Variants in TJAP1 observed in about 807,000 individuals in gnomAD.
The protein encoded by TJAP1 is tight junction associated protein 1, also known as tight junction-associated protein 1.
A neutral mutation model predicts 42.0 loss-of-function variants in TJAP1; 27 were observed. The observed-to-expected ratio is 0.64, with a 90% CI of 0.47 to 0.89. The LOEUF (loss-of-function observed/expected upper bound fraction) is 0.89. Ranked by LOEUF, TJAP1 falls within the 40% of genes least tolerant of loss-of-function variation. The probability of loss-of-function intolerance (pLI) is 0.00; values close to 1 mark genes in which losing one functional copy is unlikely to be tolerated. For missense variants in TJAP1, 712 were observed against 726.9 expected (o/e 0.98, Z 0.24); for synonymous variants, 257 against 288.4 (o/e 0.89, Z 1.10).
In TJAP1 at chr6:43,503,387, A is replaced by G. The variant is rs750570939; in HGVS notation, c.388-14A>G. On this transcript the variant is annotated splice_polypyrimidine_tract_variant and intron_variant, in intron 8 of 10. Coordinates refer to ENST00000372449, the Ensembl canonical transcript of TJAP1. ...TAGAGTGTGGGCTGGGTTAACCTCA[A>G]GTCTGTGCTTCAGATCAAGAAGGCT... 6 of 1,608,610 alleles carry G rather than the reference A, an allele frequency of 3.7e-6. No individual in the cohort carries two copies. The highest frequency in any genetic ancestry group is 5.1e-6 in the Non-Finnish European group (6 of 1,175,904).
At chr6:43,486,847 C>A (rs571948033) in intron 2 of TJAP1, among the ~76,000 whole-genome samples, 2 of 152,118 alleles carry the variant, frequency 1.3e-5, no homozygotes, top group Admixed American at 1.3e-4. Flanking sequence ...TTGTTAATGC[C>A]CAGATAAATC....
intron 2 of TJAP1, among the ~76,000 whole-genome samples, chr6:43,494,831 C>T (rs1788755208): frequency 6.6e-6 from 1 of 152,152 alleles, no homozygotes; most frequent in Non-Finnish European, 1.5e-5. Context: ...CCTTGGCCTC[C>T]CACAGTGCTG....
exon 10 of TJAP1, chr6:43,503,659 C>T: frequency 6.2e-7 from 1 of 1,614,130 alleles, no homozygotes; most frequent in Non-Finnish European, 8.5e-7. Context: ...GGCTGTACAG[C>T]TCCTCAAGTG....
chr6:43,497,825 C>G (rs1789561526), intron 2 of TJAP1, 56 bp from the exon 3 acceptor site: 1 of 152,328 alleles, frequency 6.6e-6, no homozygotes, highest in African/African-American at 2.4e-5. Flanking sequence ...GCCTGTAGCA[C>G]TGACAGACAG....
At chr6:43,481,580 A>T (rs1317846708) in intron 2 of TJAP1, among the ~76,000 whole-genome samples, 3 of 151,240 alleles carry the variant, frequency 2.0e-5, no homozygotes, top group Non-Finnish European at 4.4e-5. Flanking sequence ...GTAGCAAACT[A>T]CACAGAAAAA....
intron 2 of TJAP1, chr6:43,489,650 C>T (rs1787365084): frequency 6.6e-6 from 1 of 152,194 alleles, no homozygotes; most frequent in African/African-American, 2.4e-5. Context: ...AGGAGCTGAG[C>T]CCCTTCTCCA....
At chr6:43,506,065 T>C (rs77082223) in exon 11 of TJAP1, 9,260 of 430,642 alleles carry the variant, frequency 0.022, 131 homozygotes, top group South Asian at 0.038. Flanking sequence ...TGGTTTTCCC[T>C]TTTTCTTAGA....
intron 2 of TJAP1, among the ~76,000 whole-genome samples, chr6:43,488,038 T>A (rs2127516881): frequency 6.6e-6 from 1 of 152,176 alleles, no homozygotes; most frequent in South Asian, 2.1e-4. Context: ...CCCAGCTAAT[T>A]TTTTGTATTT....
In TJAP1 at chr6:43,505,132, A is replaced by G. The variant is rs775016960; in HGVS notation, c.951A>G (p.Pro317=). The change falls in exon 11 of 11, where the codon CCA becomes CCG. Residue 317 remains proline, a synonymous_variant. Transcript: ENST00000372449. This position sits in a 1 kb window ranked among gnomAD's most constrained non-coding sequence, Gnocchi z 5.5. ...CCTTTGAGAAGCTGAACCCCTACCCAACCCCGTCTCCACCACACCCACTGT... is the reference window on the plus strand; with the variant it reads ...CCTTTGAGAAGCTGAACCCCTACCCGACCCCGTCTCCACCACACCCACTGT... 5 of 1,614,052 alleles carry G rather than the reference A, an allele frequency of 3.1e-6. No individual in the cohort carries two copies. The highest frequency in any genetic ancestry group is 4.2e-6 in the Non-Finnish European group (5 of 1,179,986).
chr6:43,501,295 C>A (rs1790456195), intron 5 of TJAP1: 2 of 553,216 alleles, frequency 3.6e-6, no homozygotes, highest in South Asian at 5.0e-5. Context: ...GCTGGACTGT[C>A]CCCTACCATC....
At chr6:43,500,900 AG>A in intron 5 of TJAP1, 128 bp downstream of exon 5, 1 of 1,102,870 alleles carries the variant, frequency 9.1e-7, no homozygotes, top group Non-Finnish European at 1.4e-6. Flanking sequence ...GGGTTGTTTT[AG>A]GGACTCTGGG....
chr6:43,498,617 A>T (rs1169311002), intron 3 of TJAP1, among the ~76,000 whole-genome samples: 1 of 152,274 alleles, frequency 6.6e-6, no homozygotes, highest in Admixed American at 6.5e-5. Context: ...AAACTAATGC[A>T]TAGAGAGCAG....
At chr6:43,486,624 G>A (rs2127503595) in intron 2 of TJAP1, among the ~76,000 whole-genome samples, 1 of 152,222 alleles carries the variant, frequency 6.6e-6, no homozygotes, top group South Asian at 2.1e-4. Context: ...CCAAAGTGCT[G>A]GGATTACAGG....
At chr6:43,489,222 G>T (rs1787257272) in intron 2 of TJAP1, among the ~76,000 whole-genome samples, 2 of 152,246 alleles carry the variant, frequency 1.3e-5, no homozygotes, top group South Asian at 2.1e-4. Context: ...TGGTCTGGAG[G>T]CTTCATGGAA....
chr6:43,479,701 G>A (rs966385443), intron 2 of TJAP1, among the ~76,000 whole-genome samples: 1 of 152,234 alleles, frequency 6.6e-6, no homozygotes, highest in Non-Finnish European at 1.5e-5. Flanking sequence ...GCAGGGTGCA[G>A]TGGCTCACTC....
In TJAP1 at chr6:43,502,350, G is replaced by A. The variant is rs1332936592; in HGVS notation, c.357+1G>A. 3.2e-5 allele frequency: 52 copies of A among 1,613,424 alleles called. No homozygotes were observed. The highest frequency in any genetic ancestry group is 4.1e-5 in the Non-Finnish European group (48 of 1,179,972). ...GTTGGAGGACAAGCTGCACACACTGGTAATCTGTCTGGGAGGGCAGCTTGG... is the reference window on the plus strand; with the variant it reads ...GTTGGAGGACAAGCTGCACACACTGATAATCTGTCTGGGAGGGCAGCTTGG... On this transcript the variant is annotated splice_donor_variant, in intron 7 of 10. Transcript: ENST00000372449. LOFTEE classifies it high-confidence loss of function.
chr6:43,488,750 G>T (rs1247260221), intron 2 of TJAP1, among the ~76,000 whole-genome samples: 1 of 152,184 alleles, frequency 6.6e-6, no homozygotes, highest in Non-Finnish European at 1.5e-5. Context: ...CTAGAGCAGG[G>T]GTCAGGGCCT....
Position 43,492,407 on chromosome 6 carries a change from TG to T in TJAP1, c.-121-5473del, listed in dbSNP as rs1480168025. 1.3e-5 allele frequency among the ~76,000 whole-genome samples: 2 copies of T among 152,166 alleles called. No individual in the cohort carries two copies. Among genetic ancestry groups the T allele is most frequent in the East Asian group, 3.9e-4 (2 of 5,184 alleles). The stretch of plus-strand genomic sequence containing the variant: ...CAGCAGGGCTGGTCTGGGCACAGAC[TG>T]ACATCTTCTAGCCTTGTCTTCAGCC... On this transcript the variant is annotated intron_variant, in intron 2 of 10. Transcript: ENST00000372449. This position sits in a 1 kb window ranked among gnomAD's most constrained non-coding sequence, Gnocchi z 4.2.
chr6:43,497,508 G>A (rs1789483204), intron 2 of TJAP1: 1 of 152,186 alleles, frequency 6.6e-6, no homozygotes, highest in African/African-American at 2.4e-5. Context: ...GTTCTCATTT[G>A]TAACCCATGT....
Sources: gnomAD v4.1 joint callset for allele counts (sites outside exome capture counted in the v4.1 genomes callset) on GRCh38, gnomAD v4.1.1 for gene constraint, Gnocchi (gnomAD v3.1) non-coding constraint, MANE v1.5 for transcripts, NCBI Gene and HGNC (gene_info 2026-07-23, HGNC 2026-07-21) for gene names.